The following NDUFS2 variants were observed in gnomAD, a reference collection of about 807,000 sequenced individuals.
The protein encoded by NDUFS2 is NADH dehydrogenase [ubiquinone] iron-sulfur protein 2, mitochondrial.
In NDUFS2, 38 loss-of-function variants were observed where a neutral mutation model predicts 69.6. That is an observed-to-expected ratio of 0.55 (90% CI 0.42 to 0.72). The LOEUF is 0.72. Among genes scored for constraint, NDUFS2 ranks in the 30% least tolerant of loss-of-function variants. The pLI, the probability that NDUFS2 is intolerant of heterozygous loss-of-function variation, is 0.00. For missense variants in NDUFS2, 468 were observed against 595.0 expected (o/e 0.79, Z 2.22); for synonymous variants, 194 against 211.2 (o/e 0.92, Z 0.70).
chr1:161,210,573 C>T lies in NDUFS2; in HGVS notation c.867-18C>T, dbSNP rs1558085601. The T allele has an allele frequency of 6.2e-7, 1 of 1,614,036 alleles. No homozygotes were observed. Among genetic ancestry groups the T allele is most frequent in the Non-Finnish European group, 8.5e-7 (1 of 1,179,994 alleles). Reference sequence around the variant, plus strand: ...AGTTTGTGGAGAGTGGCCCTTATTCCCATTATGCTCTCCACAGTGGAGTGA... The same window carrying T: ...AGTTTGTGGAGAGTGGCCCTTATTCTCATTATGCTCTCCACAGTGGAGTGA... On this transcript the variant is annotated intron_variant, in intron 8 of 13. Coordinates refer to ENST00000676972, the MANE Select transcript of NDUFS2 (RefSeq NM_001377299.1).
intron 4 of NDUFS2, 32 bp downstream of exon 4, chr1:161,209,345 T>C (rs1192240815): frequency 1.2e-6 from 2 of 1,614,110 alleles, no homozygotes; most frequent in Non-Finnish European, 1.7e-6. Flanking sequence ...TGTGGCCCAC[T>C]GTGAGCATAG....
intron 2 of NDUFS2, 32 bp from the exon 3 acceptor site, chr1:161,206,375 C>T (rs1665461174): frequency 6.2e-7 from 1 of 1,610,880 alleles, no homozygotes; most frequent in Admixed American, 1.7e-5. Flanking sequence ...AGGGAATAAC[C>T]ATGTGGCTCT....
At chr1:161,202,559 AAAT>A (rs1665199442) in intron 1 of NDUFS2, 79 bp downstream of exon 1, 2 of 1,369,458 alleles carry the variant, frequency 1.5e-6, no homozygotes. Flanking sequence ...CTCCCCCAGA[AAAT>A]AATAACCCAA....
chr1:161,206,308 T>G, intron 2 of NDUFS2, 99 bp from the exon 3 acceptor site: 1 of 1,221,018 alleles, frequency 8.2e-7, no homozygotes. Context: ...TATGGAATGG[T>G]GAGTTAGAAA....
intron 4 of NDUFS2, 21 bp downstream of exon 4, chr1:161,209,334 C>T: frequency 6.2e-7 from 1 of 1,614,158 alleles, no homozygotes; most frequent in Non-Finnish European, 8.5e-7. Flanking sequence ...CCAACTTTTT[C>T]TGTGGCCCAC....
upstream of NDUFS2, chr1:161,202,241 C>T (rs1665169057): frequency 3.9e-6 from 3 of 773,706 alleles, no homozygotes; most frequent in South Asian, 2.9e-5. Flanking sequence ...TCACAGGACC[C>T]GGATGTTGTC....
upstream of NDUFS2, chr1:161,198,921 C>A (rs531435375): frequency 1.1e-5 from 4 of 368,220 alleles, no homozygotes; most frequent in South Asian, 2.4e-4. This position sits in a 1 kb window ranked among gnomAD's most constrained non-coding sequence, Gnocchi z 4.7. Flanking sequence ...GCCTCTCCCT[C>A]TGTAGGACTC....
intron 2 of NDUFS2, among the ~76,000 whole-genome samples, chr1:161,205,070 G>A (rs1262742520): frequency 6.6e-6 from 1 of 151,794 alleles, no homozygotes; most frequent in Non-Finnish European, 1.5e-5. Flanking sequence ...AAAGGTTAAG[G>A]ACACACAGGC....
chr1:161,206,738 A>G lies in NDUFS2; in HGVS notation c.393+141A>G, dbSNP rs142519043. The G allele has an allele frequency of 2.3e-4, 201 of 887,500 alleles. No homozygotes were observed. In the East Asian group the frequency reaches 5.0e-3, roughly 22 times the overall value. 55.0% of individuals were successfully genotyped at this position (887,500 alleles called of 1,614,324 possible). A position where few individuals can be genotyped will look rare whatever the true frequency, so the allele number is the denominator to read the frequency against. On this transcript the variant is annotated intron_variant, in intron 3 of 13. Transcript: ENST00000676972. ...GTTGAGATTACTCTTGGTTGGGTGG[A>G]TGGAGGGAAGTGGCAGGGGATGCTT...
upstream of NDUFS2, chr1:161,197,901 A>C: frequency 1.3e-6 from 2 of 1,496,002 alleles, no homozygotes; most frequent in Non-Finnish European, 1.8e-6. Flanking sequence ...CAGAACGGCC[A>C]GAAGTGTAAG....
chr1:161,198,295 G>A (rs1664948738), upstream of NDUFS2: 3 of 1,613,438 alleles, frequency 1.9e-6, no homozygotes, highest in Admixed American at 1.7e-5. The surrounding 1 kb of genome is among the most constrained non-coding windows in gnomAD (Gnocchi z 4.7). Flanking sequence ...CCTGGCCCAG[G>A]TACTGCACTG....
At chr1:161,200,388 C>T (rs1015291354), upstream of NDUFS2, among the ~76,000 whole-genome samples, 1 of 152,122 alleles carries the variant, frequency 6.6e-6, no homozygotes, top group Non-Finnish European at 1.5e-5. Context: ...AATTTCTGCT[C>T]ACCCCATCCT....
chr1:161,200,735 AG>A (rs1164911505), upstream of NDUFS2, among the ~76,000 whole-genome samples: 4 of 152,140 alleles, frequency 2.6e-5, no homozygotes, highest in Non-Finnish European at 5.9e-5. Flanking sequence ...GGAGACCAGA[AG>A]GGGCAGGGGC....
chr1:161,205,539 T>C (rs1665412883), intron 2 of NDUFS2, among the ~76,000 whole-genome samples: 1 of 152,220 alleles, frequency 6.6e-6, no homozygotes, highest in African/African-American at 2.4e-5. Context: ...TAAGGCACTT[T>C]CTTGGTTACT....
At chr1:161,213,837 A>ATCTCC in intron 12 of NDUFS2, 27 bp from the exon 13 acceptor site, 1 of 1,613,832 alleles carries the variant, frequency 6.2e-7, no homozygotes, top group Non-Finnish European at 8.5e-7. Flanking sequence ...GTCTTAACTA[A>ATCTCC]CATTGTTGCC....
intron 12 of NDUFS2, 23 bp from the exon 13 acceptor site, chr1:161,213,838 CATT>C: frequency 3.3e-5 from 53 of 1,613,592 alleles, no homozygotes; most frequent in Middle Eastern, 3.3e-4. Flanking sequence ...TCTTAACTAA[CATT>C]GTTGCCATCT....
intron 1 of NDUFS2, 32 bp downstream of exon 1, chr1:161,202,512 C>G: frequency 6.3e-7 from 1 of 1,586,620 alleles, no homozygotes; most frequent in Non-Finnish European, 8.6e-7. Flanking sequence ...GACACACTTT[C>G]TCCAAGGCTA....
At position 161,209,525 on chromosome 1, in the gene NDUFS2, C is replaced by T. The variant is rs746611018; in HGVS notation, c.557C>T (p.Ala186Val). 6.2e-7 allele frequency: 1 copy of T among 1,613,788 alleles called. No individual in the cohort carries two copies. Among genetic ancestry groups the T allele is most frequent in the Non-Finnish European group, 8.5e-7 (1 of 1,180,010 alleles). The change falls in exon 5 of 14, where the codon GCT becomes GTT. Residue 186 changes from alanine (A) to valine (V), a missense_variant. Around this residue, in one of 3 missense-constraint regions of NDUFS2, gnomAD observed 339 missense variants for 433.8 expected, o/e 0.78. Transcript: ENST00000676972. The stretch of plus-strand genomic sequence containing the variant: ...ACACGTTTGTTGAACCACATCATGG[C>T]TGTGACCACACATGCCCTGGACCTT... ...EITRLLNHIM[A>V]VTTHALDLGA...
At chr1:161,212,906 T>A (rs1024143173) in intron 10 of NDUFS2, among the ~76,000 whole-genome samples, 9 of 152,034 alleles carry the variant, frequency 5.9e-5, no homozygotes, top group Admixed American at 2.0e-4. Flanking sequence ...GGGTTTTTTT[T>A]ATTTTTTTAT....
Sources: gnomAD v4.1 joint callset for allele counts (sites outside exome capture counted in the v4.1 genomes callset) on GRCh38, gnomAD v4.1.1 for gene constraint, gnomAD v4.1.1 regional missense constraint, Gnocchi (gnomAD v3.1) non-coding constraint, MANE v1.5 for transcripts, NCBI Gene and HGNC (gene_info 2026-07-23, HGNC 2026-07-21) for gene names.